The following OSBPL1A variants were observed in gnomAD, a reference collection of about 807,000 sequenced individuals.
OSBPL1A encodes oxysterol binding protein like 1A.
OSBPL1A carries 80 observed loss-of-function variants against 137.1 expected under a neutral mutation model. The observed-to-expected ratio is 0.58, with a 90% CI of 0.49 to 0.70. The LOEUF is 0.70. OSBPL1A is among the 30% of genes least tolerant of loss of function. The probability of loss-of-function intolerance (pLI) is 0.00; values close to 1 mark genes in which losing one functional copy is unlikely to be tolerated. For missense variants in OSBPL1A, 970 were observed against 1,129.4 expected, an observed-to-expected ratio of 0.86 and a Z score of 2.02; for synonymous variants, 365 against 389.7, an observed-to-expected ratio of 0.94 and a Z score of 0.75.
At chr18:24,200,626 C>T (rs1386327190) in intron 17 of OSBPL1A, among the ~76,000 whole-genome samples, 3 of 151,606 alleles carry the variant, frequency 2.0e-5, no homozygotes, top group African/African-American at 7.3e-5. Flanking sequence ...TTTCAAGGGC[C>T]CAAAAGCCAC....
intron 1 of OSBPL1A, among the ~76,000 whole-genome samples, chr18:24,381,203 G>T (rs1218003792): frequency 1.3e-5 from 2 of 152,180 alleles, no homozygotes; most frequent in Non-Finnish European, 2.9e-5. Flanking sequence ...TATAGCCAAG[G>T]AGTAGGGTCA....
At chr18:24,228,286 T>TC (rs2088154247) in intron 16 of OSBPL1A, among the ~76,000 whole-genome samples, 1 of 147,028 alleles carries the variant, frequency 6.8e-6, no homozygotes, top group Non-Finnish European at 1.5e-5. Flanking sequence ...ACCTCTTTCT[T>TC]CCCCCTCCCC....
chr18:24,294,031 A>C (rs1446642370), intron 14 of OSBPL1A, among the ~76,000 whole-genome samples: 2 of 152,026 alleles, frequency 1.3e-5, no homozygotes, highest in South Asian at 4.2e-4. Flanking sequence ...GGCTAAATAG[A>C]AGTGCTTTTC....
intron 15 of OSBPL1A, among the ~76,000 whole-genome samples, chr18:24,270,488 G>C (rs1599594808): frequency 1.3e-5 from 2 of 152,140 alleles, no homozygotes; most frequent in South Asian, 2.1e-4. Flanking sequence ...TTTTTAAAGA[G>C]GGGAGACTAG....
chr18:24,390,971 G>A (rs111879705), intron 1 of OSBPL1A, among the ~76,000 whole-genome samples: 386 of 151,334 alleles, frequency 2.6e-3, no homozygotes, highest in African/African-American at 8.1e-3. Flanking sequence ...GTGGCGGTGC[G>A]TGCCTGTAGT....
At chr18:24,215,596 A>G (rs1339187479) in intron 17 of OSBPL1A, among the ~76,000 whole-genome samples, 1 of 152,186 alleles carries the variant, frequency 6.6e-6, no homozygotes, top group Non-Finnish European at 1.5e-5. Context: ...TACCAAGCAA[A>G]GCAAATAAGG....
At chr18:24,375,314 CAAAAAAAAAAAAAAAAAA>C (rs61252568) in intron 2 of OSBPL1A, among the ~76,000 whole-genome samples, 1 of 41,696 alleles carries the variant, frequency 2.4e-5, no homozygotes, top group Non-Finnish European at 4.3e-5. Flanking sequence ...AACCCTGTCT[CAAAAAAAAAAAAAAAAAA>C]AAAAAAAAAA....
intron 4 of OSBPL1A, among the ~76,000 whole-genome samples, chr18:24,360,317 G>A (rs1460115876): frequency 6.6e-6 from 1 of 152,134 alleles, no homozygotes; most frequent in Non-Finnish European, 1.5e-5. Flanking sequence ...AGTTTAAAGT[G>A]CTTTATAATA....
chr18:24,303,962 TACCATACA>T (rs1457687172), intron 13 of OSBPL1A, among the ~76,000 whole-genome samples: 3 of 152,198 alleles, frequency 2.0e-5, no homozygotes, highest in Non-Finnish European at 4.4e-5. Flanking sequence ...GTTGTGTAGA[TACCATACA>T]ATTGCATCCA....
At chr18:24,273,737 A>G (rs977388718) in intron 15 of OSBPL1A, among the ~76,000 whole-genome samples, 1 of 152,196 alleles carries the variant, frequency 6.6e-6, no homozygotes, top group African/African-American at 2.4e-5. Flanking sequence ...ATGATACAAT[A>G]TGATAAATGC....
chr18:24,254,538 G>A (rs188717257), intron 15 of OSBPL1A, among the ~76,000 whole-genome samples: 9 of 152,224 alleles, frequency 5.9e-5, no homozygotes, highest in South Asian at 2.1e-4. Flanking sequence ...TCAATGACGC[G>A]AGGAATTTTG....
intron 3 of OSBPL1A, chr18:24,367,957 A>T (rs1277491402): frequency 5.8e-6 from 1 of 171,912 alleles, no homozygotes; most frequent in East Asian, 1.5e-4. Flanking sequence ...GTGTATTGAC[A>T]TTATTTTTTA....
intron 18 of OSBPL1A, among the ~76,000 whole-genome samples, chr18:24,187,339 G>A (rs1324697026): frequency 6.6e-6 from 1 of 152,134 alleles, no homozygotes; most frequent in Non-Finnish European, 1.5e-5. Context: ...CAGTGCGAGT[G>A]TACTGATGCC....
chr18:24,169,595 C>T lies in OSBPL1A; in HGVS notation c.2418+732G>A, dbSNP rs79363309. Among the ~76,000 whole-genome samples, 854 of 152,350 alleles carry T rather than the reference C, an allele frequency of 5.6e-3. 9 individuals carry two copies. The highest frequency in any genetic ancestry group is 0.02 in the African/African-American group (821 of 41,568). ...AGTGAGGCAGAGAGATGAGAAATCT[C>T]GGCTTGTACTGCTCATCACCGGTGG... is the stretch of plus-strand genomic sequence containing the variant. On this transcript the variant is annotated intron_variant, in intron 24 of 27. Coordinates refer to ENST00000319481, the MANE Select transcript of OSBPL1A (RefSeq NM_080597.4).
rs2089719762 is a variant in OSBPL1A, at chr18:24,271,638, G to A, written c.1281+9204C>T. On this transcript the variant is annotated intron_variant, in intron 15 of 27. Transcript: ENST00000319481. This position sits in a 1 kb window ranked among gnomAD's most constrained non-coding sequence, Gnocchi z 4.0. The stretch of plus-strand genomic sequence containing the variant: ...CCCACCTACCTGGGCCAGATCCGAG[G>A]ACCCCGGCTGGCGCGCTCCACCCTG... 1.0e-6 allele frequency: 1 copy of A among 985,652 alleles called. No homozygotes were observed. Among genetic ancestry groups the A allele is most frequent in the African/African-American group, 1.7e-5 (1 of 57,260 alleles). 61.1% of individuals were successfully genotyped at this position (985,652 alleles called of 1,614,324 possible).
In OSBPL1A at chr18:24,363,646, ATCTT is replaced by A. The variant is rs1291393348; in HGVS notation, c.282+3242_282+3245del. ...CTTTTCCCTTCCTTCCTTCCTTTCT[ATCTT>A]TCTTTCTTTCTTATAGGGTCTCCCT... On this transcript the variant is annotated intron_variant, in intron 4 of 27. Transcript: ENST00000319481. Among the ~76,000 whole-genome samples, 3 of 144,682 alleles carry A rather than the reference ATCTT, an allele frequency of 2.1e-5. No homozygotes were observed. In the South Asian group the frequency reaches 6.5e-4, roughly 31 times the overall value. The allele number at this position is 144,682 out of a possible 152,430, so 94.9% of individuals were successfully genotyped here. A position where few individuals can be genotyped will look rare whatever the true frequency, so the allele number is the denominator to read the frequency against.
Position 24,210,448 on chromosome 18 carries a change from C to CAAAACAA in OSBPL1A, c.1602-14255_1602-14249dup, listed in dbSNP as rs1159821167. Among the ~76,000 whole-genome samples, 6 of 150,936 alleles carry CAAAACAA rather than the reference C, an allele frequency of 4.0e-5. No individual in the cohort carries two copies. In the South Asian group the frequency reaches 1.3e-3, roughly 32 times the overall value. Reference sequence around the variant, plus strand: ...GTGAGACTCCATCTCAAAAACAAAACAAAACAAAAAACAAAAAAAACCCTT... The same window carrying CAAAACAA: ...GTGAGACTCCATCTCAAAAACAAAACAAAACAAAAAACAAAAAACAAAAAAAACCCTT... On this transcript the variant is annotated intron_variant, in intron 17 of 27. Coordinates refer to ENST00000319481, the MANE Select transcript of OSBPL1A (RefSeq NM_080597.4).
intron 15 of OSBPL1A, among the ~76,000 whole-genome samples, chr18:24,245,723 G>GTAT (rs2146019405): frequency 6.6e-6 from 1 of 152,266 alleles, no homozygotes. Context: ...TTATAGTATA[G>GTAT]TATACTCTTG....
chr18:24,164,420 G>GGTTTTTTTTT (rs199563115), intron 27 of OSBPL1A, among the ~76,000 whole-genome samples: 1 of 95,970 alleles, frequency 1.0e-5, no homozygotes, highest in African/African-American at 4.7e-5. Context: ...GAGATTTTTG[G>GGTTTTTTTTT]TTTTTTTTTT....
Sources: allele counts gnomAD v4.1 joint callset (sites outside exome capture counted in the v4.1 genomes callset), GRCh38; gene constraint gnomAD v4.1.1; non-coding constraint Gnocchi (gnomAD v3.1); transcripts MANE v1.5; gene names NCBI Gene and HGNC (gene_info 2026-07-23, HGNC 2026-07-21).